Variants in OSBPL10 observed in about 807,000 individuals in gnomAD.
OSBPL10 encodes oxysterol binding protein like 10.
Under a neutral mutation model 81.7 loss-of-function variants are expected in OSBPL10, and 49 were observed. That is an observed-to-expected ratio of 0.60 (90% CI 0.48 to 0.76). The LOEUF (loss-of-function observed/expected upper bound fraction) is 0.76, where lower values mean the gene tolerates loss of function less well. OSBPL10 is among the 30% of genes least tolerant of loss of function. OSBPL10 has a pLI of 0.00. For missense variants in OSBPL10, 923 were observed against 987.8 expected (o/e 0.93, Z 0.88); for synonymous variants, 419 against 383.6 (o/e 1.09, Z -1.08).
chr3:31,922,352 C>T (rs1479065105), intron 1 of OSBPL10, among the ~76,000 whole-genome samples: 2 of 152,204 alleles, frequency 1.3e-5, no homozygotes, highest in Non-Finnish European at 2.9e-5. Context: ...GGAGCAGTGG[C>T]TCACGCCTGT....
At chr3:31,886,669 C>T (rs1406889914) in intron 1 of OSBPL10, among the ~76,000 whole-genome samples, 4 of 152,204 alleles carry the variant, frequency 2.6e-5, no homozygotes, top group Admixed American at 1.3e-4. Context: ...TGGCCGGATG[C>T]GGTGGATCAC....
intron 1 of OSBPL10, among the ~76,000 whole-genome samples, chr3:31,932,278 C>T (rs1270740900): frequency 6.6e-6 from 1 of 152,130 alleles, no homozygotes; most frequent in East Asian, 1.9e-4. Context: ...GTCTCCTCAC[C>T]TCCACCCGCA....
chr3:31,916,096 C>CAA (rs1160687382), intron 1 of OSBPL10, among the ~76,000 whole-genome samples: 15 of 82,460 alleles, frequency 1.8e-4, no homozygotes, highest in Non-Finnish European at 3.3e-4. Context: ...AACTCCGTCT[C>CAA]AAAAAAAAAA....
intron 5 of OSBPL10, among the ~76,000 whole-genome samples, chr3:31,747,487 TA>T (rs61150758): frequency 0.091 from 8,990 of 98,734 alleles, 817 homozygotes; most frequent in African/African-American, 0.29. Context: ...AATCTTCAAA[TA>T]AAAAAAAAAA....
At chr3:31,792,216 C>T (rs1017801091) in intron 4 of OSBPL10, among the ~76,000 whole-genome samples, 2 of 146,400 alleles carry the variant, frequency 1.4e-5, no homozygotes, top group Non-Finnish European at 3.0e-5. Context: ...GCAACAGAGA[C>T]CCTGTCTCCA....
At chr3:31,984,553 C>T (rs563860093), upstream of OSBPL10, among the ~76,000 whole-genome samples, 1 of 152,242 alleles carries the variant, frequency 6.6e-6, no homozygotes, top group South Asian at 2.1e-4. Flanking sequence ...GTATGAAAAA[C>T]ACCTCAAACA....
chr3:32,009,103 G>A (rs1174238379), intron 2 of OSBPL10, among the ~76,000 whole-genome samples: 1 of 152,174 alleles, frequency 6.6e-6, no homozygotes, highest in Non-Finnish European at 1.5e-5. Flanking sequence ...ACTGTAAAGT[G>A]TTTTTGTTAT....
At chr3:31,780,592 G>A (rs1276709649) in intron 4 of OSBPL10, among the ~76,000 whole-genome samples, 1 of 151,690 alleles carries the variant, frequency 6.6e-6, no homozygotes, top group Non-Finnish European at 1.5e-5. Flanking sequence ...AGAGAGAAGA[G>A]CTAAATAAGC....
intron 4 of OSBPL10, among the ~76,000 whole-genome samples, chr3:31,775,533 C>A (rs147090653): frequency 6.6e-6 from 1 of 152,066 alleles, no homozygotes; most frequent in African/African-American, 2.4e-5. Flanking sequence ...CAGGTCTGAG[C>A]GTGGGAGGGA....
At chr3:31,891,189 C>T (rs759511518) in intron 1 of OSBPL10, among the ~76,000 whole-genome samples, 1 of 152,200 alleles carries the variant, frequency 6.6e-6, no homozygotes, top group Non-Finnish European at 1.5e-5. Context: ...TGTGATTCGG[C>T]AGTCAGAGAC....
intron 3 of OSBPL10, among the ~76,000 whole-genome samples, chr3:31,839,871 C>G (rs1344929189): frequency 2.2e-5 from 1 of 44,690 alleles, no homozygotes; most frequent in Non-Finnish European, 6.9e-5. Flanking sequence ...CATGCAGACA[C>G]AGAGAATGAC....
At chr3:31,910,963 T>C (rs1696557124) in intron 1 of OSBPL10, among the ~76,000 whole-genome samples, 2 of 152,298 alleles carry the variant, frequency 1.3e-5, no homozygotes, top group African/African-American at 2.4e-5. Flanking sequence ...TAAAAGAACA[T>C]TGTCTTCTGC....
intron 2 of OSBPL10, among the ~76,000 whole-genome samples, chr3:31,988,508 G>A (rs1698974275): frequency 6.6e-6 from 1 of 152,102 alleles, no homozygotes; most frequent in Admixed American, 6.5e-5. Flanking sequence ...CTTGAGTGTG[G>A]GATGAATTTA....
At chr3:31,817,949 A>G (rs1699885632) in intron 4 of OSBPL10, among the ~76,000 whole-genome samples, 1 of 152,186 alleles carries the variant, frequency 6.6e-6, no homozygotes, top group African/African-American at 2.4e-5. Context: ...TACAAAAAAT[A>G]CAAAAATTAG....
intron 6 of OSBPL10, among the ~76,000 whole-genome samples, chr3:31,729,392 G>A (rs1181503525): frequency 6.6e-6 from 1 of 152,102 alleles, no homozygotes; most frequent in Admixed American, 6.6e-5. Context: ...TATTAAAAAG[G>A]CTGGAGGAGC....
At chr3:31,957,394 A>G (rs769990068) in intron 1 of OSBPL10, among the ~76,000 whole-genome samples, 3 of 152,212 alleles carry the variant, frequency 2.0e-5, no homozygotes, top group African/African-American at 4.8e-5. Flanking sequence ...CCACAGTGGC[A>G]GCTGAGGCAA....
chr3:31,999,506 A>G (rs796121498), intron 2 of OSBPL10, among the ~76,000 whole-genome samples: 3 of 151,868 alleles, frequency 2.0e-5, no homozygotes, highest in African/African-American at 7.2e-5. Context: ...GATTACAGGC[A>G]TGCACAACCA....
chr3:31,829,568 ATT>A (rs1700182953), intron 4 of OSBPL10, among the ~76,000 whole-genome samples: 1 of 152,150 alleles, frequency 6.6e-6, no homozygotes. Context: ...CAAGGACAGT[ATT>A]CTTTTCACTA....
chr3:31,698,073 C>G (rs751768698), intron 7 of OSBPL10, among the ~76,000 whole-genome samples: 3 of 152,022 alleles, frequency 2.0e-5, no homozygotes, highest in Non-Finnish European at 4.4e-5. Flanking sequence ...GCTTCCTTCT[C>G]TCTTCTACCC....
Sources: allele counts gnomAD v4.1 joint callset (sites outside exome capture counted in the v4.1 genomes callset), GRCh38; gene constraint gnomAD v4.1.1; transcripts MANE v1.5; gene names NCBI Gene and HGNC (gene_info 2026-07-23, HGNC 2026-07-21).